PLXNA4: variants seen among roughly 807,000 people sequenced by gnomAD.
The protein encoded by PLXNA4 is plexin-A4.
PLXNA4 carries 44 observed loss-of-function variants against 191.8 expected under a neutral mutation model. The ratio of observed to expected loss-of-function variants is 0.23; its 90% CI spans 0.18 to 0.29. The LOEUF (loss-of-function observed/expected upper bound fraction) is 0.29, where lower values mean the gene tolerates loss of function less well. Among genes scored for constraint, PLXNA4 ranks in the 10% least tolerant of loss-of-function variants. The pLI is 1.00. For synonymous variants in PLXNA4, 1,082 were observed against 1,009.5 expected, an observed-to-expected ratio of 1.07 and a Z score of -1.36; for missense variants, 1,800 against 2,488.8, an observed-to-expected ratio of 0.72 and a Z score of 5.89.
chr7:132,321,591 G>A (rs1274559751), intron 3 of PLXNA4, among the ~76,000 whole-genome samples: 1 of 152,210 alleles, frequency 6.6e-6, no homozygotes. Context: ...AAATGTTGGT[G>A]CACCATGTGT....
intron 4 of PLXNA4, among the ~76,000 whole-genome samples, chr7:132,265,434 C>T (rs1799812423): frequency 6.6e-6 from 1 of 152,188 alleles, no homozygotes; most frequent in East Asian, 1.9e-4. Context: ...AACCATTATT[C>T]ATTCATTCAA....
At chr7:132,204,033 T>C (rs1797531266) in intron 10 of PLXNA4, among the ~76,000 whole-genome samples, 1 of 152,082 alleles carries the variant, frequency 6.6e-6, no homozygotes, top group Non-Finnish European at 1.5e-5. Flanking sequence ...TGGGAGCTTG[T>C]TGGTGACGGG....
chr7:132,455,184 C>G (rs561689918), intron 3 of PLXNA4, among the ~76,000 whole-genome samples: 1 of 152,144 alleles, frequency 6.6e-6, no homozygotes, highest in Admixed American at 6.5e-5. Flanking sequence ...GTGGCTGTTC[C>G]GCTGTTTGCC....
chr7:132,225,678 G>T (rs1798298080), intron 8 of PLXNA4, among the ~76,000 whole-genome samples: 1 of 151,930 alleles, frequency 6.6e-6, no homozygotes, highest in African/African-American at 2.4e-5. Context: ...CTCAGCCTGG[G>T]CAGCCTGTGG....
chr7:132,389,761 G>T (rs1805320715), intron 3 of PLXNA4, among the ~76,000 whole-genome samples: 1 of 152,128 alleles, frequency 6.6e-6, no homozygotes, highest in Non-Finnish European at 1.5e-5. Context: ...GCTCTTTTTT[G>T]ATTCCATAAG....
intron 2 of PLXNA4, among the ~76,000 whole-genome samples, chr7:132,602,957 C>G (rs1177552260): frequency 6.6e-6 from 1 of 152,162 alleles, no homozygotes; most frequent in Non-Finnish European, 1.5e-5. Flanking sequence ...ACTTCTCCCC[C>G]ACCATAACCA....
chr7:132,215,252 T>C (rs1209594505), intron 9 of PLXNA4, among the ~76,000 whole-genome samples: 1 of 152,180 alleles, frequency 6.6e-6, no homozygotes, highest in Non-Finnish European at 1.5e-5. Flanking sequence ...CCTCCACTTC[T>C]GGGAAGTGAC....
intron 3 of PLXNA4, among the ~76,000 whole-genome samples, chr7:132,470,104 A>C (rs1238616345): frequency 6.6e-6 from 1 of 152,214 alleles, no homozygotes; most frequent in African/African-American, 2.4e-5. Context: ...TTTATGCCCA[A>C]AGCTCTTCCA....
chr7:132,604,035 G>C (rs142962877), intron 2 of PLXNA4, among the ~76,000 whole-genome samples: 1 of 152,200 alleles, frequency 6.6e-6, no homozygotes, highest in African/African-American at 2.4e-5. Flanking sequence ...CTATCCAATT[G>C]GGTTATTTGC....
intron 1 of PLXNA4, among the ~76,000 whole-genome samples, chr7:132,548,361 C>A (rs532718117): frequency 6.6e-6 from 1 of 152,212 alleles, no homozygotes; most frequent in African/African-American, 2.4e-5. Context: ...CAAGTAAGGT[C>A]TTTATTTATT....
At chr7:132,182,221 A>T in intron 16 of PLXNA4, 31 bp from the exon 17 acceptor site, 1 of 1,612,340 alleles carries the variant, frequency 6.2e-7, no homozygotes, top group Admixed American at 1.7e-5. Flanking sequence ...AGATGTGTAA[A>T]TGATAAGTTC....
chr7:132,569,107 G>A (rs1246360406), intron 1 of PLXNA4, among the ~76,000 whole-genome samples: 4 of 152,202 alleles, frequency 2.6e-5, no homozygotes, highest in Non-Finnish European at 4.4e-5. Flanking sequence ...TGACCAGTGA[G>A]CTACAGCAGA....
intron 3 of PLXNA4, among the ~76,000 whole-genome samples, chr7:132,408,874 C>T (rs1413274464): frequency 8.0e-6 from 1 of 124,362 alleles, no homozygotes; most frequent in African/African-American, 3.0e-5. Context: ...CCCCCCACCC[C>T]ATGTCATCTT....
chr7:132,239,860 C>T (rs2117033280), intron 5 of PLXNA4, among the ~76,000 whole-genome samples: 1 of 152,336 alleles, frequency 6.6e-6, no homozygotes, highest in East Asian at 1.9e-4. Context: ...GTTATGTATA[C>T]TTCAGTGTAG....
At chr7:132,517,957 T>C (rs1279933349) in intron 1 of PLXNA4, among the ~76,000 whole-genome samples, 1 of 152,252 alleles carries the variant, frequency 6.6e-6, no homozygotes. Context: ...GCATTCAACA[T>C]AGCGTCTTCA....
At position 132,157,255 on chromosome 7, in the gene PLXNA4, A is replaced by G. The variant is rs1795825998; in HGVS notation, c.4660+2218T>C. On this transcript the variant is annotated intron_variant, in intron 25 of 31. Coordinates refer to ENST00000321063, the MANE Select transcript of PLXNA4 (RefSeq NM_020911.2). ...CAGCCTCTGGCTGGGGAGACCAGCC[A>G]CCCTCAGGCAGGTCCTTGTTGCAGA... is the stretch of plus-strand genomic sequence containing the variant. Among the ~76,000 whole-genome samples the G allele has an allele frequency of 2.0e-5, 3 of 152,120 alleles. No homozygotes were observed. In the South Asian group the frequency reaches 6.2e-4, roughly 32 times the overall value.
At chr7:132,194,427 A>C (rs1324788950) in intron 13 of PLXNA4, among the ~76,000 whole-genome samples, 2 of 152,182 alleles carry the variant, frequency 1.3e-5, no homozygotes, top group Non-Finnish European at 2.9e-5. Context: ...TTCTGACCCT[A>C]GATGTTCAGT....
At position 132,374,315 on chromosome 7, in the gene PLXNA4, T is replaced by C. The variant is rs559050259; in HGVS notation, c.1372-76093A>G. ...GTTCATTAGGAGCCGCTGATGTTGATAAATTCATCTTTCCTGTCACATGCA... is the reference window on the plus strand; with the variant it reads ...GTTCATTAGGAGCCGCTGATGTTGACAAATTCATCTTTCCTGTCACATGCA... On this transcript the variant is annotated intron_variant, in intron 3 of 31. Coordinates refer to ENST00000321063, the MANE Select transcript of PLXNA4 (RefSeq NM_020911.2). Among the ~76,000 whole-genome samples the C allele has an allele frequency of 5.3e-5, 8 of 152,264 alleles. No individual in the cohort carries two copies. In the South Asian group the frequency reaches 8.3e-4, roughly 16 times the overall value.
At chr7:132,161,303 T>G (rs1054956521) in intron 24 of PLXNA4, among the ~76,000 whole-genome samples, 2 of 152,166 alleles carry the variant, frequency 1.3e-5, no homozygotes, top group Non-Finnish European at 2.9e-5. Context: ...TGAGAACAAC[T>G]CCATGGTGCA....
Sources: allele counts gnomAD v4.1 joint callset (sites outside exome capture counted in the v4.1 genomes callset), GRCh38; gene constraint gnomAD v4.1.1; transcripts MANE v1.5; gene names NCBI Gene and HGNC (gene_info 2026-07-23, HGNC 2026-07-21).